Variants in CDH12 observed in about 807,000 individuals in gnomAD.
CDH12 encodes the protein cadherin-12.
CDH12 carries 41 observed loss-of-function variants against 74.1 expected under a neutral mutation model. That is an observed-to-expected ratio of 0.55 (90% CI 0.43 to 0.72). The LOEUF (loss-of-function observed/expected upper bound fraction) is 0.72, where lower values mean the gene tolerates loss of function less well. Ranked by LOEUF, CDH12 falls within the 30% of genes least tolerant of loss-of-function variation. The pLI is 0.00. For missense variants in CDH12, 945 were observed against 977.2 expected (o/e 0.97, Z 0.44); for synonymous variants, 399 against 355.0 (o/e 1.12, Z -1.39).
chr5:22,022,967 A>G (rs1385195646), intron 5 of CDH12, among the ~76,000 whole-genome samples: 3 of 152,190 alleles, frequency 2.0e-5, no homozygotes, highest in Non-Finnish European at 4.4e-5. Flanking sequence ...ATTATCACCA[A>G]TCTTCCAAAA....
intron 10 of CDH12, among the ~76,000 whole-genome samples, chr5:21,790,769 A>G (rs191430932): frequency 2.6e-5 from 4 of 151,892 alleles, no homozygotes; most frequent in Admixed American, 6.6e-5. Context: ...ACTATTTTGT[A>G]TTACTTCCCA....
At chr5:22,492,854 T>C (rs1370084067) in intron 2 of CDH12, among the ~76,000 whole-genome samples, 1 of 152,106 alleles carries the variant, frequency 6.6e-6, no homozygotes, top group Admixed American at 6.5e-5. Flanking sequence ...TTTTGTTTTA[T>C]AATCCTGCCA....
intron 2 of CDH12, among the ~76,000 whole-genome samples, chr5:22,493,510 A>G (rs930880575): frequency 2.0e-5 from 3 of 152,096 alleles, no homozygotes; most frequent in Admixed American, 1.3e-4. Flanking sequence ...CTTGGTACTG[A>G]AAATAGCTTT....
chr5:21,884,630 T>C (rs1752533593), intron 6 of CDH12, among the ~76,000 whole-genome samples: 1 of 152,210 alleles, frequency 6.6e-6, no homozygotes, highest in South Asian at 2.1e-4. Flanking sequence ...TACTATTCTG[T>C]TAAAATCAGG....
chr5:22,072,362 C>A (rs1478571729), intron 5 of CDH12, among the ~76,000 whole-genome samples: 8 of 152,012 alleles, frequency 5.3e-5, no homozygotes, highest in Admixed American at 3.3e-4. Context: ...AAGTTTCAAG[C>A]CTCAGGGCTT....
At chr5:21,916,974 C>A (rs1168764533) in intron 6 of CDH12, among the ~76,000 whole-genome samples, 2 of 152,146 alleles carry the variant, frequency 1.3e-5, no homozygotes, top group African/African-American at 2.4e-5. Flanking sequence ...AAGACTAGCA[C>A]CTGGCTCTTA....
intron 1 of CDH12, among the ~76,000 whole-genome samples, chr5:22,615,568 T>G (rs1049263613): frequency 3.9e-5 from 6 of 152,076 alleles, no homozygotes; most frequent in Non-Finnish European, 8.8e-5. Flanking sequence ...ATGAAACTTG[T>G]ATCTTTGTAA....
At chr5:22,158,562 G>C (rs1490313292) in intron 4 of CDH12, among the ~76,000 whole-genome samples, 4 of 151,832 alleles carry the variant, frequency 2.6e-5, no homozygotes, top group Admixed American at 6.6e-5. Flanking sequence ...GCTGAATGGG[G>C]GTGTTCTTTA....
intron 4 of CDH12, among the ~76,000 whole-genome samples, chr5:22,188,010 T>C (rs62349141): frequency 0.31 from 47,044 of 151,134 alleles, 7,712 homozygotes; most frequent in South Asian, 0.38. Context: ...AGATGCCCTA[T>C]AGCAGGAAGG....
At chr5:22,427,519 T>C (rs1164883536) in intron 2 of CDH12, among the ~76,000 whole-genome samples, 1 of 152,190 alleles carries the variant, frequency 6.6e-6, no homozygotes, top group Non-Finnish European at 1.5e-5. Flanking sequence ...ACTAAAACGA[T>C]TTAATACAGA....
chr5:22,653,797 A>G (rs1739865026), intron 1 of CDH12, among the ~76,000 whole-genome samples: 1 of 152,178 alleles, frequency 6.6e-6, no homozygotes, highest in South Asian at 2.1e-4. Context: ...TAGCTATGTG[A>G]TCATGTCGCA....
rs147997117 is a variant in CDH12 at position 22,721,512 on chromosome 5, G to A, written c.-523+131546C>T. Reference sequence around the variant, plus strand: ...TTTTTTATAGGCTTCTAAGTGGAAGGGACTTGCCTTGTCTCAGGTGAGACT... The same window carrying A: ...TTTTTTATAGGCTTCTAAGTGGAAGAGACTTGCCTTGTCTCAGGTGAGACT... On this transcript the variant is annotated intron_variant, in intron 1 of 14. Coordinates refer to ENST00000382254, the MANE Select transcript of CDH12 (RefSeq NM_004061.5). 7.4e-3 allele frequency among the ~76,000 whole-genome samples: 1,131 copies of A among 152,282 alleles called. 16 individuals carry two copies. The highest frequency in any genetic ancestry group is 0.026 in the African/African-American group (1,077 of 41,556).
At chr5:21,848,838 T>C (rs1389384761) in intron 7 of CDH12, among the ~76,000 whole-genome samples, 8 of 151,860 alleles carry the variant, frequency 5.3e-5, no homozygotes, top group African/African-American at 1.7e-4. Flanking sequence ...CAGAGGATTA[T>C]ATACCAGAAA....
chr5:22,030,297 T>G (rs1172480531), intron 5 of CDH12, among the ~76,000 whole-genome samples: 1 of 152,026 alleles, frequency 6.6e-6, no homozygotes, highest in Non-Finnish European at 1.5e-5. Flanking sequence ...AAGAAAGGTA[T>G]TTCTTGAATG....
At chr5:22,205,523 G>GAA (rs1237573943) in intron 4 of CDH12, among the ~76,000 whole-genome samples, 1 of 151,944 alleles carries the variant, frequency 6.6e-6, no homozygotes, top group Non-Finnish European at 1.5e-5. Context: ...CTATATTAAT[G>GAA]AAATATATTT....
chr5:22,317,536 A>G (rs1403047185), intron 3 of CDH12, among the ~76,000 whole-genome samples: 1 of 152,144 alleles, frequency 6.6e-6, no homozygotes, highest in Non-Finnish European at 1.5e-5. Context: ...AAGTGATAGA[A>G]TGTCATATAC....
At chr5:22,816,749 G>A (rs1358336025) in intron 1 of CDH12, among the ~76,000 whole-genome samples, 8 of 152,052 alleles carry the variant, frequency 5.3e-5, no homozygotes, top group African/African-American at 1.7e-4. Context: ...GAACTCATTT[G>A]GTCCAATCTA....
chr5:22,278,706 A>T (rs552341772), intron 3 of CDH12, among the ~76,000 whole-genome samples: 1 of 152,272 alleles, frequency 6.6e-6, no homozygotes, highest in East Asian at 1.9e-4. Context: ...TTTAATATAC[A>T]CAATTCTAGA....
At chr5:22,601,314 C>T (rs983909683) in intron 1 of CDH12, among the ~76,000 whole-genome samples, 5 of 151,768 alleles carry the variant, frequency 3.3e-5, no homozygotes, top group Admixed American at 6.6e-5. Context: ...ATCAGAAAAC[C>T]GAATTCCACA....
Sources: gnomAD v4.1 joint callset for allele counts (sites outside exome capture counted in the v4.1 genomes callset) on GRCh38, gnomAD v4.1.1 for gene constraint, MANE v1.5 for transcripts, NCBI Gene and HGNC (gene_info 2026-07-23, HGNC 2026-07-21) for gene names.